The following MAML3 variants were observed in gnomAD, a reference collection of about 807,000 sequenced individuals.
MAML3 encodes mastermind like transcriptional coactivator 3.
A neutral mutation model predicts 101.9 loss-of-function variants in MAML3; 27 were observed. The observed-to-expected ratio is 0.27, with a 90% CI of 0.20 to 0.37. The LOEUF (loss-of-function observed/expected upper bound fraction) is 0.37, where lower values mean the gene tolerates loss of function less well. Among genes scored for constraint, MAML3 ranks in the 10% least tolerant of loss-of-function variants. The probability of loss-of-function intolerance (pLI) is 1.00; values close to 1 mark genes in which losing one functional copy is unlikely to be tolerated. For missense variants in MAML3, 1,316 were observed against 1,444.9 expected, an observed-to-expected ratio of 0.91 and a Z score of 1.45; for synonymous variants, 501 against 555.9, an observed-to-expected ratio of 0.90 and a Z score of 1.39.
At chr4:140,123,675 C>A (rs1160943307) in intron 1 of MAML3, among the ~76,000 whole-genome samples, 1 of 152,174 alleles carries the variant, frequency 6.6e-6, no homozygotes, top group Non-Finnish European at 1.5e-5. Context: ...CCACTTAGAT[C>A]TGAATAAGAT....
chr4:139,874,053 T>C (rs375554050), intron 2 of MAML3, among the ~76,000 whole-genome samples: 2 of 152,254 alleles, frequency 1.3e-5, no homozygotes, highest in Non-Finnish European at 2.9e-5. Flanking sequence ...GCATTTAATA[T>C]GTAAATGGAT....
chr4:140,123,118 C>CT (rs1439091540), intron 1 of MAML3, among the ~76,000 whole-genome samples: 1 of 138,578 alleles, frequency 7.2e-6, no homozygotes, highest in African/African-American at 2.7e-5. Flanking sequence ...TGCTCTGTAG[C>CT]TTTTTAAAGA....
At chr4:139,832,715 A>T (rs1015485312) in intron 2 of MAML3, among the ~76,000 whole-genome samples, 13 of 152,318 alleles carry the variant, frequency 8.5e-5, no homozygotes, top group Middle Eastern at 3.4e-3. Context: ...CTTAAAAAAA[A>T]TTTTTTTAAG....
intron 1 of MAML3, among the ~76,000 whole-genome samples, chr4:140,140,700 C>A (rs1242679163): frequency 6.6e-6 from 1 of 152,186 alleles, no homozygotes; most frequent in African/African-American, 2.4e-5. Flanking sequence ...AGTTTAGGCG[C>A]CGAATCACGT....
intron 1 of MAML3, among the ~76,000 whole-genome samples, chr4:139,941,755 C>T (rs1015539968): frequency 6.6e-6 from 1 of 152,040 alleles, no homozygotes; most frequent in Non-Finnish European, 1.5e-5. Context: ...GCTTTGCGCC[C>T]GATGGTCTAA....
intron 1 of MAML3, among the ~76,000 whole-genome samples, chr4:140,127,495 C>A (rs1030465518): frequency 6.6e-6 from 1 of 152,220 alleles, no homozygotes; most frequent in Non-Finnish European, 1.5e-5. Flanking sequence ...TAAGCACCTT[C>A]CACACGAGAG....
intron 1 of MAML3, among the ~76,000 whole-genome samples, chr4:139,936,620 C>A (rs1230662999): frequency 6.6e-6 from 1 of 152,036 alleles, no homozygotes. Context: ...TCACTTGAGG[C>A]CAGGAGTTCA....
chr4:140,057,804 G>A (rs1727375843), intron 1 of MAML3, among the ~76,000 whole-genome samples: 1 of 151,968 alleles, frequency 6.6e-6, no homozygotes, highest in Admixed American at 6.6e-5. Flanking sequence ...TTTTCTTCCT[G>A]TTCTCTGCTA....
intron 1 of MAML3, among the ~76,000 whole-genome samples, chr4:139,907,710 TA>T (rs1732844976): frequency 6.6e-6 from 1 of 152,220 alleles, no homozygotes; most frequent in Non-Finnish European, 1.5e-5. Context: ...TTGCATGTTT[TA>T]ATTTTCCTCC....
At chr4:139,764,654 G>A (rs192750046) in intron 2 of MAML3, among the ~76,000 whole-genome samples, 1 of 152,284 alleles carries the variant, frequency 6.6e-6, no homozygotes, top group Admixed American at 6.5e-5. Flanking sequence ...TGGAGGATGT[G>A]GTTGCTGTTG....
At chr4:140,009,820 A>T (rs963325395) in intron 1 of MAML3, among the ~76,000 whole-genome samples, 1 of 152,260 alleles carries the variant, frequency 6.6e-6, no homozygotes, top group African/African-American at 2.4e-5. Flanking sequence ...CTGGGAAGGT[A>T]CTTAGATTCA....
At chr4:139,815,954 A>G (rs148926644) in intron 2 of MAML3, among the ~76,000 whole-genome samples, 69 of 152,294 alleles carry the variant, frequency 4.5e-4, no homozygotes, top group African/African-American at 1.5e-3. Flanking sequence ...GAAAAAAAAT[A>G]AAACACTCAT....
At chr4:140,150,019 C>T (rs1301359014) in intron 1 of MAML3, among the ~76,000 whole-genome samples, 1 of 148,138 alleles carries the variant, frequency 6.8e-6, no homozygotes, top group Non-Finnish European at 1.5e-5. Context: ...ATTCATCACA[C>T]TCATCACACA....
intron 2 of MAML3, among the ~76,000 whole-genome samples, chr4:139,809,201 G>A (rs908503622): frequency 2.6e-5 from 4 of 152,194 alleles, no homozygotes; most frequent in African/African-American, 9.7e-5. Flanking sequence ...CCTTTGGACT[G>A]TGGCATTTGG....
At chr4:140,078,102 AAC>A (rs1326367473) in intron 1 of MAML3, among the ~76,000 whole-genome samples, 1 of 152,278 alleles carries the variant, frequency 6.6e-6, no homozygotes, top group East Asian at 1.9e-4. Context: ...AATCAGTCGC[AAC>A]AGTCTTTCCT....
chr4:140,139,117 T>C (rs7676362), intron 1 of MAML3, among the ~76,000 whole-genome samples: 72,166 of 150,944 alleles, frequency 0.48, 19,202 homozygotes, highest in Non-Finnish European at 0.62. Flanking sequence ...ACAAAAAATT[T>C]TAAAAATTAG....
intron 2 of MAML3, among the ~76,000 whole-genome samples, chr4:139,783,576 G>A (rs4463022): frequency 0.33 from 50,432 of 152,062 alleles, 8,512 homozygotes; most frequent in Admixed American, 0.35. Flanking sequence ...GGACTCCAAC[G>A]TGCTGAAAGC....
intron 1 of MAML3, among the ~76,000 whole-genome samples, chr4:140,123,001 T>C (rs1394748647): frequency 6.6e-6 from 1 of 151,890 alleles, no homozygotes; most frequent in Admixed American, 6.6e-5. Flanking sequence ...TCTCTCCTAT[T>C]CTCTAGTAAA....
intron 1 of MAML3, among the ~76,000 whole-genome samples, chr4:140,028,398 T>C (rs6850591): frequency 0.57 from 86,758 of 151,962 alleles, 25,775 homozygotes; most frequent in African/African-American, 0.69. Flanking sequence ...GGATATGCAG[T>C]CTTTACTCCA....
Sources: allele counts gnomAD v4.1 joint callset (sites outside exome capture counted in the v4.1 genomes callset), GRCh38; gene constraint gnomAD v4.1.1; transcripts MANE v1.5; gene names NCBI Gene and HGNC (gene_info 2026-07-23, HGNC 2026-07-21).